ZMYM4: variants seen among roughly 807,000 people sequenced by gnomAD.
ZMYM4 encodes the protein zinc finger MYM-type protein 4.
ZMYM4 carries 31 observed loss-of-function variants against 183.2 expected under a neutral mutation model. That is an observed-to-expected ratio of 0.17 (90% confidence interval 0.13 to 0.23). The LOEUF is 0.23. Ranked by LOEUF, ZMYM4 falls within the 10% of genes least tolerant of loss-of-function variation. The pLI is 1.00. For synonymous variants in ZMYM4, 592 were observed against 631.2 expected, an observed-to-expected ratio of 0.94 and a Z score of 0.93; for missense variants, 1,273 against 1,840.3, an observed-to-expected ratio of 0.69 and a Z score of 5.64.
intron 1 of ZMYM4, chr1:35,292,079 T>C (rs1411835171): frequency 6.6e-6 from 1 of 152,232 alleles, no homozygotes; most frequent in Non-Finnish European, 1.5e-5. Context: ...CAAGTGAATA[T>C]ACACACAGAC....
rs748659404 is a variant in ZMYM4, at chr1:35,405,385, C to T, written c.3713C>T (p.Ala1238Val). 1.2e-6 allele frequency: 2 copies of T among 1,610,148 alleles called. No individual in the cohort carries two copies. The highest frequency in any genetic ancestry group is 1.7e-6 in the Non-Finnish European group (2 of 1,179,086). ...GDLKCGGVEQ[A>V]SSSPRSDPLG... ...CTCTCCTTGTCAGGGGTTGAACAGG[C>T]CTCATCTAGCCCACGTTCTGACCCC... Residue 1238 changes from alanine to valine, a missense_variant, in exon 25 of 30, where the codon GCC (alanine) becomes GTC (valine). Ala to Val is a moderately conservative substitution (Grantham distance 64). Transcript: ENST00000314607.
At chr1:35,390,835 CAAA>C (rs1203665783) in intron 15 of ZMYM4, among the ~76,000 whole-genome samples, 2 of 152,128 alleles carry the variant, frequency 1.3e-5, no homozygotes, top group African/African-American at 4.8e-5. Flanking sequence ...CTACTTATAA[CAAA>C]AGACATAAAG....
At chr1:35,392,390 A>C (rs955131999) in intron 16 of ZMYM4, 38 bp downstream of exon 16, 1 of 1,593,418 alleles carries the variant, frequency 6.3e-7, no homozygotes, top group African/African-American at 1.4e-5. Flanking sequence ...TAGCCTATTT[A>C]GGTTGAATGC....
chr1:35,271,497 G>A (rs1311900375), intron 1 of ZMYM4, among the ~76,000 whole-genome samples: 1 of 152,110 alleles, frequency 6.6e-6, no homozygotes, highest in Admixed American at 6.6e-5. Context: ...CCGCCTCCCG[G>A]GTTCAATTAA....
intron 7 of ZMYM4, among the ~76,000 whole-genome samples, chr1:35,372,138 C>A (rs1644228052): frequency 6.6e-6 from 1 of 152,038 alleles, no homozygotes; most frequent in South Asian, 2.1e-4. Flanking sequence ...GATTAAAGTG[C>A]AGATTAAGAT....
Position 35,389,053 on chromosome 1 carries a change from A to G in ZMYM4, c.2407A>G (p.Met803Val). ...KVEEFCCEEC[M>V]SKYTVLFYQM... is the part of the protein sequence containing the mutation. ...GGAAGAGTTCTGTTGTGAAGAATGC[A>G]TGTCCAAATATACAGTTTTGTTCTA... Residue 803 changes from methionine (M) to valine (V), a missense_variant, in exon 14 of 30, where the codon ATG becomes GTG. By Grantham distance (21) the Met-to-Val change is conservative (BLOSUM62 1). Coordinates refer to ENST00000314607, the MANE Select transcript of ZMYM4 (RefSeq NM_005095.3). The surrounding 1 kb of genome is among the most constrained non-coding windows in gnomAD (Gnocchi z 4.0). The G allele has an allele frequency of 6.2e-7, 1 of 1,613,958 alleles. No individual in the cohort carries two copies. The highest frequency in any genetic ancestry group is 8.5e-7 in the Non-Finnish European group (1 of 1,179,978).
At chr1:35,333,124 C>G (rs1642825831) in intron 2 of ZMYM4, among the ~76,000 whole-genome samples, 1 of 152,028 alleles carries the variant, frequency 6.6e-6, no homozygotes, top group South Asian at 2.1e-4. Context: ...TATAAAATAC[C>G]CTGTTAAAAA....
At chr1:35,299,610 G>A (rs1315053104) in intron 1 of ZMYM4, among the ~76,000 whole-genome samples, 1 of 152,182 alleles carries the variant, frequency 6.6e-6, no homozygotes, top group African/African-American at 2.4e-5. Flanking sequence ...AAAGGCTAAA[G>A]TGAAGTTACA....
intron 1 of ZMYM4, among the ~76,000 whole-genome samples, chr1:35,286,771 AATTT>A: frequency 1.2e-5 from 1 of 84,354 alleles, no homozygotes; most frequent in Non-Finnish European, 2.4e-5. Context: ...CTATTTAAAT[AATTT>A]TTTTTTTTTT....
At chr1:35,281,006 C>T (rs577139996) in intron 1 of ZMYM4, among the ~76,000 whole-genome samples, 101 of 152,154 alleles carry the variant, frequency 6.6e-4, no homozygotes, top group Non-Finnish European at 1.2e-3. Flanking sequence ...AATCACAGGT[C>T]GGGTGCGATG....
chr1:35,307,116 T>TC (rs2148767484), intron 1 of ZMYM4, among the ~76,000 whole-genome samples: 1 of 152,366 alleles, frequency 6.6e-6, no homozygotes, highest in South Asian at 2.1e-4. Flanking sequence ...GATTTCTTTT[T>TC]CCTCATCTCT....
In ZMYM4 at chr1:35,415,666, A is replaced by G. The variant is rs776702121; in HGVS notation, c.4261A>G (p.Thr1421Ala). The G allele has an allele frequency of 3.1e-6, 5 of 1,614,080 alleles. No homozygotes were observed. The East Asian group carries it at 1.1e-4, about 36-fold the overall frequency. ...TRTLKYSTKM[T>A]YLRFFPPLQK... ...GACTCTGAAGTACAGTACCAAGATG[A>G]CATATCTGAGGTTCTTCCCACCTTT... Residue 1421 changes from threonine to alanine, a missense_variant, in exon 28 of 30, where the codon ACA becomes GCA. This residue lies in a region of ZMYM4 where 145 missense variants were observed against 331.6 expected (regional missense o/e 0.44). Coordinates refer to ENST00000314607, the MANE Select transcript of ZMYM4 (RefSeq NM_005095.3).
intron 5 of ZMYM4, among the ~76,000 whole-genome samples, chr1:35,364,488 C>T (rs1644020784): frequency 6.6e-6 from 1 of 152,144 alleles, no homozygotes; most frequent in South Asian, 2.1e-4. Context: ...CACCCGTCTC[C>T]ACCTTCCCTC....
intron 1 of ZMYM4, among the ~76,000 whole-genome samples, chr1:35,272,119 T>A (rs891260280): frequency 6.6e-6 from 1 of 152,202 alleles, no homozygotes; most frequent in African/African-American, 2.4e-5. Flanking sequence ...GTGGATTCCA[T>A]ATGTATACTC....
chr1:35,285,300 C>T (rs1640422999), intron 1 of ZMYM4, among the ~76,000 whole-genome samples: 1 of 152,118 alleles, frequency 6.6e-6, no homozygotes. Flanking sequence ...GTCTTCCAGT[C>T]TGTGAACATG....
rs1267171137 is a variant in ZMYM4 at position 35,370,550 on chromosome 1, G to A, written c.1104G>A (p.Leu368=). 4 of 1,613,188 alleles carry A rather than the reference G, an allele frequency of 2.5e-6. No homozygotes were observed. Among genetic ancestry groups the A allele is most frequent in the Non-Finnish European group, 3.4e-6 (4 of 1,179,768 alleles). The change falls in exon 7 of 30, where the codon CTG becomes CTA. Residue 368 remains leucine, a synonymous_variant. Coordinates refer to ENST00000314607, the MANE Select transcript of ZMYM4 (RefSeq NM_005095.3). ...KGSTQLFCST[L]CLTGYTVPPA... is the part of the protein sequence containing the mutation. Reference sequence around the variant, plus strand: ...CTACTCAGCTATTCTGCTCCACACTGTGCCTCACTGGATATACAGTTCCAC... The same window carrying A: ...CTACTCAGCTATTCTGCTCCACACTATGCCTCACTGGATATACAGTTCCAC...
rs373271171 is a variant in ZMYM4, at chr1:35,294,279, TG to T, written c.39+25196del. ...TAGAATGTGTGAAAACTCTGGGACT[TG>T]GAAAAAAATAGAGTGGTATATCATG... On this transcript the variant is annotated intron_variant, in intron 1 of 29. Coordinates refer to ENST00000314607, the MANE Select transcript of ZMYM4 (RefSeq NM_005095.3). Among the ~76,000 whole-genome samples the T allele has an allele frequency of 3.5e-3, 526 of 152,244 alleles. 2 individuals are homozygous for T. The highest frequency in any genetic ancestry group is 4.8e-3 in the Non-Finnish European group (328 of 68,014).
intron 3 of ZMYM4, among the ~76,000 whole-genome samples, chr1:35,360,065 T>G (rs896284619): frequency 1.3e-5 from 2 of 152,054 alleles, no homozygotes; most frequent in African/African-American, 4.8e-5. Flanking sequence ...CTATTCCATT[T>G]GCCTGCATGT....
chr1:35,359,088 A>G lies in ZMYM4; in HGVS notation c.249A>G (p.Pro83=), dbSNP rs779688972. Residue 83 remains proline, a synonymous_variant, in exon 3 of 30, where the codon CCA becomes CCG. Coordinates refer to ENST00000314607, the MANE Select transcript of ZMYM4 (RefSeq NM_005095.3). ...ACTCTGGGGATCTTGCAGGAATTCC[A>G]GTCGTTGGTAGTGACAATGAGGATG... The part of the protein sequence containing the change: ...FLNSGDLAGI[P]VVGSDNEDEQ... 6.2e-7 allele frequency: 1 copy of G among 1,613,816 alleles called. No individual in the cohort carries two copies. The highest frequency in any genetic ancestry group is 8.5e-7 in the Non-Finnish European group (1 of 1,179,754).
Sources: gnomAD v4.1 joint callset for allele counts (sites outside exome capture counted in the v4.1 genomes callset) on GRCh38, gnomAD v4.1.1 for gene constraint, gnomAD v4.1.1 regional missense constraint, Gnocchi (gnomAD v3.1) non-coding constraint, MANE v1.5 for transcripts, NCBI Gene and HGNC (gene_info 2026-07-23, HGNC 2026-07-21) for gene names.